The following SYN3 variants were observed in gnomAD, a reference collection of about 807,000 sequenced individuals.
The protein encoded by SYN3 is synapsin III.
SYN3 carries 35 observed loss-of-function variants against 65.8 expected under a neutral mutation model. The observed-to-expected ratio is 0.53, with a 90% CI of 0.41 to 0.70. The LOEUF (loss-of-function observed/expected upper bound fraction) is 0.70, where lower values mean the gene tolerates loss of function less well. Ranked by LOEUF, SYN3 falls within the 30% of genes least tolerant of loss-of-function variation. The pLI is 0.00. For missense variants in SYN3, 680 were observed against 749.0 expected (o/e 0.91, Z 1.08); for synonymous variants, 270 against 292.9 (o/e 0.92, Z 0.80).
At chr22:32,721,441 T>C (rs978018518) in intron 6 of SYN3, among the ~76,000 whole-genome samples, 2 of 152,134 alleles carry the variant, frequency 1.3e-5, no homozygotes, top group African/African-American at 2.4e-5. Context: ...CATCCATCCA[T>C]CCATCCATCC....
chr22:32,797,249 C>A (rs542367716), intron 6 of SYN3, among the ~76,000 whole-genome samples: 1 of 152,278 alleles, frequency 6.6e-6, no homozygotes, highest in East Asian at 1.9e-4. Flanking sequence ...GGAAAGGGGT[C>A]GGTGGTGCTG....
At chr22:32,994,001 G>A (rs950220245) in intron 2 of SYN3, among the ~76,000 whole-genome samples, 4 of 152,148 alleles carry the variant, frequency 2.6e-5, no homozygotes, top group Admixed American at 6.5e-5. Flanking sequence ...CCACTAGGGC[G>A]GGGGTAACAA....
intron 13 of SYN3, 65 bp from the exon 14 acceptor site, chr22:32,513,889 G>A: frequency 1.9e-6 from 3 of 1,598,386 alleles, no homozygotes; most frequent in Non-Finnish European, 2.6e-6. Context: ...ATGGGTCTTG[G>A]GGGCTTGCCT....
intron 1 of SYN3, among the ~76,000 whole-genome samples, chr22:33,041,102 A>T (rs183966231): frequency 6.6e-6 from 1 of 151,492 alleles, no homozygotes; most frequent in Non-Finnish European, 1.5e-5. Flanking sequence ...TATTTTTAGT[A>T]GAGATGGGTT....
chr22:32,556,795 GGTTTCCTGGTTTTTTTTTTT>G lies in SYN3; in HGVS notation c.775-15102_775-15083del, dbSNP rs2058504516. Among the ~76,000 whole-genome samples, 4 of 87,212 alleles carry G rather than the reference GGTTTCCTGGTTTTTTTTTTT, an allele frequency of 4.6e-5. 1 individual carries two copies. The highest frequency in any genetic ancestry group is 6.5e-5 in the Non-Finnish European group (3 of 45,846). The allele number at this position is 87,212 out of a possible 152,430, so 57.2% of individuals were successfully genotyped here. A position where few individuals can be genotyped will look rare whatever the true frequency, so the allele number is the denominator to read the frequency against. On this transcript the variant is annotated intron_variant, in intron 7 of 13. Coordinates refer to ENST00000358763, the MANE Select transcript of SYN3 (RefSeq NM_003490.4). ...CAATGACCCAATGACCCAATCTATA[GGTTTCCTGGTTTTTTTTTTT>G]TTTTTTTTTTTTTTTTTTTTGTGTG...
intron 6 of SYN3, among the ~76,000 whole-genome samples, chr22:32,652,274 C>T (rs1488814062): frequency 2.6e-5 from 4 of 152,036 alleles, no homozygotes; most frequent in Admixed American, 6.6e-5. Flanking sequence ...GAACAGAACT[C>T]GTATGGGTTC....
chr22:32,564,708 A>C (rs1157969521), intron 7 of SYN3, among the ~76,000 whole-genome samples: 1 of 150,924 alleles, frequency 6.6e-6, no homozygotes, highest in African/African-American at 2.4e-5. Flanking sequence ...CTGCACCCAA[A>C]CAGTGCTCCC....
chr22:32,627,210 A>C (rs984847062), intron 6 of SYN3, among the ~76,000 whole-genome samples: 18 of 151,618 alleles, frequency 1.2e-4, no homozygotes, highest in African/African-American at 4.4e-4. Context: ...GGCACGGTTC[A>C]AGTGCACCAC....
chr22:32,807,293 G>GAT (rs5845033), intron 6 of SYN3, among the ~76,000 whole-genome samples: 13,040 of 124,702 alleles, frequency 0.1, 763 homozygotes, highest in Middle Eastern at 0.17. Flanking sequence ...TGGTTTGGAG[G>GAT]ATATATATAT....
intron 6 of SYN3, among the ~76,000 whole-genome samples, chr22:32,700,119 G>T (rs1014607017): frequency 4.6e-5 from 7 of 152,124 alleles, no homozygotes; most frequent in Admixed American, 3.9e-4. Flanking sequence ...GAATTCCAAG[G>T]CTTTCAGATG....
chr22:32,869,487 G>GT (rs1237143552), intron 4 of SYN3, among the ~76,000 whole-genome samples: 1 of 152,012 alleles, frequency 6.6e-6, no homozygotes, highest in South Asian at 2.1e-4. Context: ...CTGAATGTAT[G>GT]TATTATCCAT....
chr22:32,668,059 G>A (rs2147049049), intron 6 of SYN3, among the ~76,000 whole-genome samples: 1 of 152,248 alleles, frequency 6.6e-6, no homozygotes, highest in Non-Finnish European at 1.5e-5. Flanking sequence ...CCAAAGTGCT[G>A]GGATTACAGG....
At chr22:33,015,844 TC>T (rs1235700278) in intron 1 of SYN3, among the ~76,000 whole-genome samples, 2,021 of 145,936 alleles carry the variant, frequency 0.014, 65 homozygotes, top group African/African-American at 0.049. Flanking sequence ...AATTTTCTTT[TC>T]TTTTTTTTTT....
In SYN3 at chr22:32,782,656, C is replaced by T. The variant is rs185167618; in HGVS notation, c.711+82259G>A. ...CCTCAGTTTCCCGAGTAGCTGGGAC[C>T]ACAGGCGCACACCACCACAGCCGGC... On this transcript the variant is annotated intron_variant, in intron 6 of 13. Transcript: ENST00000358763. Among the ~76,000 whole-genome samples, 545 of 151,904 alleles carry T rather than the reference C, an allele frequency of 3.6e-3. 2 individuals carry two copies. The highest frequency in any genetic ancestry group is 0.012 in the African/African-American group (512 of 41,440).
chr22:32,583,744 C>T (rs780859042), intron 7 of SYN3: 1 of 152,208 alleles, frequency 6.6e-6, no homozygotes, highest in South Asian at 2.1e-4. Flanking sequence ...TGGCCCACTT[C>T]CTTGTAACTG....
chr22:32,792,863 CT>C (rs1234431433), intron 6 of SYN3, among the ~76,000 whole-genome samples: 1 of 152,212 alleles, frequency 6.6e-6, no homozygotes, highest in Non-Finnish European at 1.5e-5. Context: ...GGCACATTGA[CT>C]TTGAAGTCTT....
At chr22:32,878,540 T>C (rs1330441220) in intron 4 of SYN3, among the ~76,000 whole-genome samples, 1 of 152,216 alleles carries the variant, frequency 6.6e-6, no homozygotes, top group Admixed American at 6.5e-5. Flanking sequence ...GAGTGTTATG[T>C]GATTTCCCTG....
chr22:32,879,096 A>C (rs1448617377), intron 4 of SYN3, among the ~76,000 whole-genome samples: 1 of 151,978 alleles, frequency 6.6e-6, no homozygotes, highest in Non-Finnish European at 1.5e-5. Context: ...CACACTTTGA[A>C]AACAGTCTTT....
chr22:33,002,468 C>G (rs1291933954), intron 2 of SYN3, among the ~76,000 whole-genome samples: 1 of 151,918 alleles, frequency 6.6e-6, no homozygotes, highest in Admixed American at 6.6e-5. Context: ...ATGGTGAAAC[C>G]CTGTCTACAG....
Sources: gnomAD v4.1 joint callset for allele counts (sites outside exome capture counted in the v4.1 genomes callset) on GRCh38, gnomAD v4.1.1 for gene constraint, MANE v1.5 for transcripts, NCBI Gene and HGNC (gene_info 2026-07-23, HGNC 2026-07-21) for gene names.